PRR5L: variants seen among roughly 807,000 people sequenced by gnomAD.
PRR5L encodes the protein proline rich 5 like, also known as proline-rich protein 5-like.
In PRR5L, 21 loss-of-function variants were observed where a neutral mutation model predicts 36.4. The ratio of observed to expected loss-of-function variants is 0.58; its 90% CI spans 0.41 to 0.83. The LOEUF (loss-of-function observed/expected upper bound fraction) is 0.83, where lower values mean the gene tolerates loss of function less well. PRR5L is among the 40% of genes least tolerant of loss of function. The probability of loss-of-function intolerance (pLI) is 0.00; values close to 1 mark genes in which losing one functional copy is unlikely to be tolerated. For synonymous variants in PRR5L, 188 were observed against 197.0 expected (o/e 0.95, Z 0.38); for missense variants, 381 against 473.3 (o/e 0.80, Z 1.81).
intron 3 of PRR5L, among the ~76,000 whole-genome samples, chr11:36,416,199 A>G (rs937149685): frequency 2.6e-5 from 4 of 152,198 alleles, no homozygotes; most frequent in African/African-American, 9.7e-5. Flanking sequence ...TATATATATA[A>G]CATGTGACCC....
intron 1 of PRR5L, among the ~76,000 whole-genome samples, chr11:36,311,672 G>T (rs1436209449): frequency 6.6e-6 from 1 of 152,142 alleles, no homozygotes; most frequent in Non-Finnish European, 1.5e-5. Flanking sequence ...CAGTCTCCTG[G>T]CACAGTAAGA....
At chr11:36,456,128 C>A (rs539209800) in intron 8 of PRR5L, among the ~76,000 whole-genome samples, 1 of 152,178 alleles carries the variant, frequency 6.6e-6, no homozygotes, top group South Asian at 2.1e-4. Flanking sequence ...AGCACAGAGG[C>A]CCTGTCCTTC....
At chr11:36,297,947 A>G (rs1309975951) in intron 1 of PRR5L, among the ~76,000 whole-genome samples, 1 of 152,224 alleles carries the variant, frequency 6.6e-6, no homozygotes. Context: ...GTACTTGGTT[A>G]ATGCTGTGGC....
chr11:36,416,068 C>A (rs1202176544), intron 3 of PRR5L, among the ~76,000 whole-genome samples: 1 of 152,174 alleles, frequency 6.6e-6, no homozygotes, highest in East Asian at 1.9e-4. Context: ...TTCTTCACAC[C>A]CTTTTTAAAA....
At chr11:36,330,208 A>C (rs1856704691) in intron 1 of PRR5L, among the ~76,000 whole-genome samples, 1 of 152,230 alleles carries the variant, frequency 6.6e-6, no homozygotes, top group African/African-American at 2.4e-5. Flanking sequence ...CATATAATCT[A>C]CTAAATTGCT....
chr11:36,371,513 G>A (rs1365961556), intron 1 of PRR5L, among the ~76,000 whole-genome samples: 10 of 152,186 alleles, frequency 6.6e-5, no homozygotes, highest in Admixed American at 6.5e-4. Context: ...GCACACGGCT[G>A]GGAGATCTAC....
intron 1 of PRR5L, among the ~76,000 whole-genome samples, chr11:36,331,432 TA>T (rs1363235609): frequency 6.6e-6 from 1 of 152,156 alleles, no homozygotes; most frequent in African/African-American, 2.4e-5. Flanking sequence ...ATAGGTCATT[TA>T]GAAAAAAAGA....
intron 3 of PRR5L, among the ~76,000 whole-genome samples, chr11:36,412,285 G>T (rs949117536): frequency 6.6e-6 from 1 of 152,096 alleles, no homozygotes; most frequent in African/African-American, 2.4e-5. Context: ...TCTGTTTTAG[G>T]CTTAAATGTG....
At chr11:36,396,635 C>T (rs114249786) in intron 1 of PRR5L, among the ~76,000 whole-genome samples, 105 of 152,308 alleles carry the variant, frequency 6.9e-4, no homozygotes, top group African/African-American at 2.4e-3. Flanking sequence ...GTTCTAAGTG[C>T]TTGACAAATA....
At chr11:36,443,173 G>C (rs1333086644) in intron 6 of PRR5L, among the ~76,000 whole-genome samples, 1 of 152,232 alleles carries the variant, frequency 6.6e-6, no homozygotes, top group African/African-American at 2.4e-5. Flanking sequence ...GCTTCAGGAA[G>C]CTTATAACCG....
intron 1 of PRR5L, among the ~76,000 whole-genome samples, chr11:36,352,147 T>C (rs535214959): frequency 3.4e-4 from 52 of 152,270 alleles, no homozygotes; most frequent in Admixed American, 9.8e-4. Flanking sequence ...TGGTATGGTA[T>C]TGTGGTTTCA....
chr11:36,446,376 A>T lies in PRR5L; in HGVS notation c.521A>T (p.Asp174Val), dbSNP rs781047168. 11 of 1,614,076 alleles carry T rather than the reference A, an allele frequency of 6.8e-6. No individual in the cohort carries two copies. The Middle Eastern group carries it at 1.2e-3, about 169-fold the overall frequency. Residue 174 changes from aspartate to valine, a missense_variant, in exon 7 of 9, where the codon GAC becomes GTC. Transcript: ENST00000530639. ...DLVLLKVKLG[D>V]LLLLAQSKLP... Reference sequence around the variant, plus strand: ...GTCTTGCTGAAGGTGAAGCTGGGTGACCTGCTGCTGCTGGCCCAGTCCAAG... The same window carrying T: ...GTCTTGCTGAAGGTGAAGCTGGGTGTCCTGCTGCTGCTGGCCCAGTCCAAG...
chr11:36,423,919 G>A (rs568166526), intron 4 of PRR5L, among the ~76,000 whole-genome samples: 11 of 152,318 alleles, frequency 7.2e-5, no homozygotes, highest in African/African-American at 2.6e-4. Flanking sequence ...TGGGGGCTTC[G>A]AGAAGCACCC....
chr11:36,311,573 T>C (rs904455324), intron 1 of PRR5L, among the ~76,000 whole-genome samples: 1 of 152,250 alleles, frequency 6.6e-6, no homozygotes, highest in African/African-American at 2.4e-5. Context: ...TAAGCACTAA[T>C]GCTCTATGTA....
chr11:36,414,489 T>G (rs1272970391), intron 3 of PRR5L, among the ~76,000 whole-genome samples: 1 of 148,102 alleles, frequency 6.8e-6, no homozygotes, highest in African/African-American at 2.5e-5. Flanking sequence ...TTTTCATGTT[T>G]TTTGGCTGCA....
intron 4 of PRR5L, among the ~76,000 whole-genome samples, chr11:36,422,102 C>G (rs1331914772): frequency 6.6e-6 from 1 of 152,218 alleles, no homozygotes; most frequent in Non-Finnish European, 1.5e-5. Flanking sequence ...GGCCCTGGCT[C>G]TGGCCCTAGT....
At chr11:36,384,307 T>G (rs1857420513) in intron 1 of PRR5L, among the ~76,000 whole-genome samples, 1 of 152,244 alleles carries the variant, frequency 6.6e-6, no homozygotes, top group Non-Finnish European at 1.5e-5. Context: ...TTAACCTTTC[T>G]GCCTCAATCT....
rs767678951 is a variant in PRR5L, at chr11:36,462,523, C to T, written c.894C>T (p.Asp298=). ...ACACGGTGGCCAATGCCCACTCGGA[C>T]ATCCAGCTGCTGGCCATGGCCACCA... ...RRHTVANAHS[D]IQLLAMATMM... is the part of the protein sequence containing the mutation. Residue 298 remains aspartate, a synonymous_variant, in exon 9 of 9, where the codon GAC becomes GAT. Coordinates refer to ENST00000530639, the MANE Select transcript of PRR5L (RefSeq NM_001160167.2). 6.2e-7 allele frequency: 1 copy of T among 1,608,196 alleles called. No homozygotes were observed. Among genetic ancestry groups the T allele is most frequent in the Non-Finnish European group, 8.5e-7 (1 of 1,176,808 alleles).
intron 4 of PRR5L, chr11:36,425,680 A>G (rs1858366614): frequency 1.3e-5 from 2 of 152,086 alleles, no homozygotes; most frequent in Admixed American, 6.6e-5. Flanking sequence ...ACACACCAAC[A>G]TTGGCTTATT....
Sources: allele counts gnomAD v4.1 joint callset (sites outside exome capture counted in the v4.1 genomes callset), GRCh38; gene constraint gnomAD v4.1.1; transcripts MANE v1.5; gene names NCBI Gene and HGNC (gene_info 2026-07-23, HGNC 2026-07-21).